The following EHBP1 variants were observed in gnomAD, a reference collection of about 807,000 sequenced individuals.
EHBP1 encodes the protein EH domain binding protein 1.
Under a neutral mutation model 144.0 loss-of-function variants are expected in EHBP1, and 55 were observed. That is an observed-to-expected ratio of 0.38 (90% CI 0.31 to 0.48). EHBP1 has a LOEUF of 0.48. Among genes scored for constraint, EHBP1 ranks in the 20% least tolerant of loss-of-function variants. The probability of loss-of-function intolerance (pLI) is 0.98; values close to 1 mark genes in which losing one functional copy is unlikely to be tolerated. For missense variants in EHBP1, 1,200 were observed against 1,364.2 expected (o/e 0.88, Z 1.90); for synonymous variants, 469 against 472.7 (o/e 0.99, Z 0.10).
At chr2:62,816,790 C>G (rs762358746) in intron 5 of EHBP1, among the ~76,000 whole-genome samples, 3 of 152,136 alleles carry the variant, frequency 2.0e-5, no homozygotes, top group Non-Finnish European at 4.4e-5. Flanking sequence ...GAATAGCTTT[C>G]CAAGGTATTA....
At chr2:62,747,523 A>G in intron 3 of EHBP1, 71 bp downstream of exon 3, 1 of 1,171,012 alleles carries the variant, frequency 8.5e-7, no homozygotes, top group Non-Finnish European at 1.2e-6. Flanking sequence ...GTTCCAGTGT[A>G]GAATATTTTA....
intron 19 of EHBP1, among the ~76,000 whole-genome samples, chr2:63,024,915 G>C (rs1221198311): frequency 6.6e-6 from 1 of 151,842 alleles, no homozygotes; most frequent in Non-Finnish European, 1.5e-5. Context: ...AGGATTGCTT[G>C]ACCCCAGGAG....
chr2:63,045,772 T>A lies in EHBP1; in HGVS notation c.*272T>A. 2.5e-6 allele frequency: 1 copy of A among 396,884 alleles called. No homozygotes were observed. The highest frequency in any genetic ancestry group is 4.0e-5 in the Admixed American group (1 of 24,894). 24.6% of individuals were successfully genotyped at this position (396,884 alleles called of 1,614,324 possible). A position where few individuals can be genotyped will look rare whatever the true frequency, so the allele number is the denominator to read the frequency against. On this transcript the variant is annotated 3_prime_UTR_variant, in exon 23 of 23. Transcript: ENST00000431489. The surrounding 1 kb of genome is among the most constrained non-coding windows in gnomAD (Gnocchi z 5.7). ...TTTGCACAGACACCTTGTGAGTGAT[T>A]GGTATTGGAGGTGTTCAAGAAACTG...
intron 3 of EHBP1, among the ~76,000 whole-genome samples, chr2:62,751,384 G>T (rs2039703340): frequency 6.6e-6 from 1 of 152,148 alleles, no homozygotes; most frequent in African/African-American, 2.4e-5. Context: ...GATTTGGTTT[G>T]CCAGTATTTT....
intron 3 of EHBP1, among the ~76,000 whole-genome samples, chr2:62,757,845 C>T (rs1203396906): frequency 6.6e-6 from 1 of 151,882 alleles, no homozygotes; most frequent in Non-Finnish European, 1.5e-5. Flanking sequence ...CCAGATAGGT[C>T]AGTTCATTAC....
intron 7 of EHBP1, among the ~76,000 whole-genome samples, chr2:62,848,632 T>C (rs560251155): frequency 1.3e-5 from 2 of 152,354 alleles, no homozygotes; most frequent in African/African-American, 4.8e-5. Context: ...ACAACATAGA[T>C]GTACCTCAAA....
chr2:62,918,844 CG>C (rs2054843397), intron 10 of EHBP1, among the ~76,000 whole-genome samples: 1 of 152,102 alleles, frequency 6.6e-6, no homozygotes, highest in South Asian at 2.1e-4. Context: ...GAGAAAATAA[CG>C]GGGTAGCAAG....
intron 1 of EHBP1, among the ~76,000 whole-genome samples, chr2:62,691,269 C>T (rs1422331069): frequency 6.6e-6 from 1 of 152,170 alleles, no homozygotes. Context: ...TGTAGTGCCT[C>T]TACAAATTTG....
At chr2:62,684,234 C>A (rs1280731140) in intron 1 of EHBP1, among the ~76,000 whole-genome samples, 1 of 151,604 alleles carries the variant, frequency 6.6e-6, no homozygotes, top group Non-Finnish European at 1.5e-5. Context: ...GAAATACATC[C>A]TTCACATAGC....
chr2:63,026,293 CTTGTGT>C (rs1305471225), intron 19 of EHBP1, among the ~76,000 whole-genome samples: 2 of 97,314 alleles, frequency 2.1e-5, no homozygotes, highest in African/African-American at 7.3e-5. Flanking sequence ...GGCTCTCTAC[CTTGTGT>C]GTGTGTGTGT....
chr2:62,887,125 A>G (rs1313852158), intron 10 of EHBP1, among the ~76,000 whole-genome samples: 1 of 152,200 alleles, frequency 6.6e-6, no homozygotes, highest in African/African-American at 2.4e-5. Context: ...TTACTATTCT[A>G]CCATTTTCAG....
intron 15 of EHBP1, chr2:62,987,942 A>G: frequency 6.4e-7 from 1 of 1,568,314 alleles, no homozygotes; most frequent in Non-Finnish European, 8.7e-7. Context: ...TGAAAATGAT[A>G]ATATTGAGAT....
intron 2 of EHBP1, among the ~76,000 whole-genome samples, chr2:62,721,063 T>C (rs1448118371): frequency 1.3e-5 from 2 of 152,208 alleles, no homozygotes; most frequent in Non-Finnish European, 2.9e-5. Flanking sequence ...CTCACTAATA[T>C]CCTTTTTCTG....
At chr2:62,766,672 A>G (rs1307896872) in intron 4 of EHBP1, among the ~76,000 whole-genome samples, 1 of 151,918 alleles carries the variant, frequency 6.6e-6, no homozygotes, top group African/African-American at 2.4e-5. Flanking sequence ...GCCTTTACTT[A>G]CTCTAAAATC....
intron 10 of EHBP1, among the ~76,000 whole-genome samples, chr2:62,928,604 GA>G (rs954747881): frequency 1.3e-5 from 2 of 150,964 alleles, no homozygotes; most frequent in Non-Finnish European, 2.9e-5. Flanking sequence ...TTTCCAGTGG[GA>G]AAAAAATAAA....
chr2:62,882,729 A>G (rs1404033922), intron 10 of EHBP1, among the ~76,000 whole-genome samples: 1 of 152,114 alleles, frequency 6.6e-6, no homozygotes, highest in Non-Finnish European at 1.5e-5. Flanking sequence ...CTAAAAATAC[A>G]AAATTAGCCA....
At chr2:62,996,058 G>A (rs2059615339) in intron 18 of EHBP1, among the ~76,000 whole-genome samples, 1 of 151,988 alleles carries the variant, frequency 6.6e-6, no homozygotes, top group Admixed American at 6.6e-5. Flanking sequence ...TTAAAGTACA[G>A]GAGCCAGCTG....
chr2:62,736,162 A>T (rs1011120800), intron 2 of EHBP1, among the ~76,000 whole-genome samples: 7 of 119,084 alleles, frequency 5.9e-5, no homozygotes, highest in African/African-American at 2.2e-4. Context: ...CATCTTTTGT[A>T]GTTGTTCCGC....
chr2:62,683,753 G>A (rs2151733957), intron 1 of EHBP1, among the ~76,000 whole-genome samples: 1 of 150,574 alleles, frequency 6.6e-6, no homozygotes, highest in African/African-American at 2.4e-5. Flanking sequence ...GGGAATTAAT[G>A]TCAGGTGGGC....
Sources: gnomAD v4.1 joint callset for allele counts (sites outside exome capture counted in the v4.1 genomes callset) on GRCh38, gnomAD v4.1.1 for gene constraint, Gnocchi (gnomAD v3.1) non-coding constraint, MANE v1.5 for transcripts, NCBI Gene and HGNC (gene_info 2026-07-23, HGNC 2026-07-21) for gene names.